The following DNAH3 variants were observed in gnomAD, a reference collection of about 807,000 sequenced individuals.
DNAH3 encodes the protein dynein axonemal heavy chain 3, also known as axonemal beta dynein heavy chain 3.
DNAH3 carries 332 observed loss-of-function variants against 432.5 expected under a neutral mutation model. The ratio of observed to expected loss-of-function variants is 0.77; its 90% CI spans 0.70 to 0.84. DNAH3 has a LOEUF of 0.84. Among genes scored for constraint, DNAH3 ranks in the 40% least tolerant of loss-of-function variants. The pLI is 0.00. For missense variants in DNAH3, 4,861 were observed against 5,114.0 expected, an observed-to-expected ratio of 0.95 and a Z score of 1.51; for synonymous variants, 1,956 against 1,900.2, an observed-to-expected ratio of 1.03 and a Z score of -0.76.
At chr16:21,051,994 A>G in intron 28 of DNAH3, 126 bp from the exon 29 acceptor site, 1 of 742,072 alleles carries the variant, frequency 1.3e-6, no homozygotes, top group East Asian at 2.8e-5. Context: ...ATTTTATTTT[A>G]TTTTATTTAT....
intron 18 of DNAH3, among the ~76,000 whole-genome samples, chr16:21,090,955 C>T (rs553866237): frequency 3.0e-4 from 45 of 152,044 alleles, no homozygotes; most frequent in Non-Finnish European, 5.4e-4. Flanking sequence ...CGTTCAAGAC[C>T]GGCCTGGGCA....
At chr16:21,047,646 T>C (rs1186703601) in intron 31 of DNAH3, among the ~76,000 whole-genome samples, 154 of 152,026 alleles carry the variant, frequency 1.0e-3, no homozygotes, top group African/African-American at 3.5e-3. Context: ...TCAGAGTAAT[T>C]TGATCGTCTG....
intron 1 of DNAH3, among the ~76,000 whole-genome samples, chr16:21,149,092 G>A (rs901027280): frequency 8.6e-5 from 13 of 151,936 alleles, no homozygotes; most frequent in Admixed American, 2.6e-4. Context: ...TTAGCCAGGC[G>A]GTGGCGCACA....
At chr16:21,036,983 CT>C in intron 34 of DNAH3, 135 bp from the exon 35 acceptor site, 1 of 693,988 alleles carries the variant, frequency 1.4e-6, no homozygotes, top group Non-Finnish European at 2.4e-6. Flanking sequence ...TGCACCAAAA[CT>C]TTTCTACAAT....
chr16:21,103,089 C>T (rs1461101400), intron 16 of DNAH3, among the ~76,000 whole-genome samples: 1 of 151,988 alleles, frequency 6.6e-6, no homozygotes, highest in East Asian at 1.9e-4. Flanking sequence ...ATCGTATATT[C>T]TCACTCATAA....
At chr16:21,097,404 C>T (rs1270381044) in exon 18 of DNAH3, 3 of 1,614,050 alleles carry the variant, frequency 1.9e-6, no homozygotes, top group South Asian at 2.2e-5. Flanking sequence ...CTGTCGACCA[C>T]AGCTGCTCAT....
exon 36 of DNAH3, chr16:21,034,017 A>G: frequency 6.2e-7 from 1 of 1,613,900 alleles, no homozygotes; most frequent in South Asian, 1.1e-5. Context: ...CTTTATAAGC[A>G]GAGGTCTTGC....
At chr16:21,157,893 T>C (rs1378499972) in intron 1 of DNAH3, among the ~76,000 whole-genome samples, 1 of 140,814 alleles carries the variant, frequency 7.1e-6, no homozygotes, top group Non-Finnish European at 1.5e-5. Context: ...CATTTGGCAA[T>C]ATTTTGAGAC....
intron 20 of DNAH3, among the ~76,000 whole-genome samples, chr16:21,076,589 T>C (rs577603178): frequency 1.3e-5 from 2 of 152,268 alleles, no homozygotes; most frequent in African/African-American, 2.4e-5. Flanking sequence ...AGGAAGGAGA[T>C]AGATCCCAGA....
chr16:21,151,561 G>GC (rs2092853394), intron 1 of DNAH3, among the ~76,000 whole-genome samples: 1 of 151,956 alleles, frequency 6.6e-6, no homozygotes, highest in African/African-American at 2.4e-5. Flanking sequence ...CTCCCAAAGT[G>GC]TGGGATTACA....
Position 20,948,472 on chromosome 16 carries a change from C to T in DNAH3, c.11343+11G>A, listed in dbSNP as rs765653146. 16 of 1,612,010 alleles carry T rather than the reference C, an allele frequency of 9.9e-6. No homozygotes were observed. The East Asian group carries it at 2.7e-4, about 27-fold the overall frequency. On this transcript the variant is annotated intron_variant, in intron 57 of 61. Coordinates refer to ENST00000261383, the Ensembl canonical transcript of DNAH3. ...GGGGGAAAGAGGTAGGCCTCCCTGC[C>T]CACCCCTTACCTGGTAGGAGCCATG...
chr16:21,098,640 T>A (rs766723654), exon 17 of DNAH3: 1 of 1,613,300 alleles, frequency 6.2e-7, no homozygotes, highest in South Asian at 1.1e-5. Flanking sequence ...ACGCCCGATT[T>A]AGGTTCTTTG....
Position 20,948,575 on chromosome 16 carries a change from GA to G in DNAH3, c.11250del (p.Leu3751CysfsTer73). The G allele has an allele frequency of 6.2e-7, 1 of 1,614,154 alleles. No homozygotes were observed. The highest frequency in any genetic ancestry group is 8.5e-7 in the Non-Finnish European group (1 of 1,180,018). On this transcript the variant is annotated frameshift_variant, in exon 57 of 62. Coordinates refer to ENST00000261383, the Ensembl canonical transcript of DNAH3. LOFTEE classifies it high-confidence loss of function. ...ATTTCCTTACAGTAGAACATGGACA[GA>G]AGTGACAGCAGGAGACGCCGGTCTT...
At chr16:21,155,483 G>A (rs915831538) in intron 1 of DNAH3, among the ~76,000 whole-genome samples, 1 of 151,834 alleles carries the variant, frequency 6.6e-6, no homozygotes, top group Non-Finnish European at 1.5e-5. Flanking sequence ...TTAGCTGGGC[G>A]TGGCGGCACA....
intron 38 of DNAH3, among the ~76,000 whole-genome samples, chr16:21,025,130 A>G (rs1282178342): frequency 1.3e-5 from 2 of 151,908 alleles, no homozygotes; most frequent in African/African-American, 2.4e-5. Context: ...TTTTGTCTTT[A>G]GTAGAGACAG....
intron 59 of DNAH3, among the ~76,000 whole-genome samples, chr16:20,940,103 C>T (rs2083747953): frequency 6.6e-6 from 1 of 152,190 alleles, no homozygotes; most frequent in African/African-American, 2.4e-5. Context: ...CCAGATTTCA[C>T]ATATTGGATA....
At chr16:20,985,100 T>C (rs762845345) in exon 48 of DNAH3, 5 of 1,613,660 alleles carry the variant, frequency 3.1e-6, no homozygotes, top group African/African-American at 1.3e-5. Context: ...AAGTTATACA[T>C]AGAAAGAGGA....
intron 51 of DNAH3, among the ~76,000 whole-genome samples, chr16:20,972,096 C>A (rs2085365983): frequency 6.6e-6 from 1 of 152,210 alleles, no homozygotes; most frequent in African/African-American, 2.4e-5. Flanking sequence ...AATTGGAACA[C>A]ACAGGGGCAG....
chr16:20,990,031 C>T (rs571499186), intron 44 of DNAH3, among the ~76,000 whole-genome samples: 3 of 152,362 alleles, frequency 2.0e-5, no homozygotes, highest in Admixed American at 6.5e-5. Flanking sequence ...TCCCTCCACA[C>T]CTCCCTGCAA....
Sources: allele counts gnomAD v4.1 joint callset (sites outside exome capture counted in the v4.1 genomes callset), GRCh38; gene constraint gnomAD v4.1.1; transcripts MANE v1.5; gene names NCBI Gene and HGNC (gene_info 2026-07-23, HGNC 2026-07-21).